The following SLC5A10 variants were observed in gnomAD, a reference collection of about 807,000 sequenced individuals.
SLC5A10 encodes sodium/mannose cotransporter SLC5A10.
Under a neutral mutation model 68.9 loss-of-function variants are expected in SLC5A10, and 55 were observed. The ratio of observed to expected loss-of-function variants is 0.80; its 90% confidence interval spans 0.64 to 1.00. The LOEUF (loss-of-function observed/expected upper bound fraction) is 1.00. Ranked by LOEUF, SLC5A10 falls within the 50% of genes least tolerant of loss-of-function variation. SLC5A10 has a pLI of 0.00. For missense variants in SLC5A10, 732 were observed against 819.3 expected (o/e 0.89, Z 1.30); for synonymous variants, 344 against 344.8 (o/e 1.00, Z 0.02).
At chr17:19,016,251 G>A (rs1415198932) in intron 11 of SLC5A10, among the ~76,000 whole-genome samples, 1 of 152,016 alleles carries the variant, frequency 6.6e-6, no homozygotes, top group East Asian at 1.9e-4. Flanking sequence ...TCACCATGTT[G>A]GCCAGGCTGG....
Position 19,003,748 on chromosome 17 carries a change from G to A in SLC5A10, c.983-9662G>A. On this transcript the variant is annotated intron_variant, in intron 9 of 14. Transcript: ENST00000395645. This position sits in a 1 kb window ranked among gnomAD's most constrained non-coding sequence, Gnocchi z 4.5. The stretch of plus-strand genomic sequence containing the variant: ...CCCCATCCGCCCCGCTGGCTTCCTC[G>A]CCGTCGCCGACCCCATTGTCCTCGG... The A allele has an allele frequency of 6.2e-7, 1 of 1,605,196 alleles. No individual in the cohort carries two copies. Among genetic ancestry groups the A allele is most frequent in the Non-Finnish European group, 8.5e-7 (1 of 1,175,908 alleles).
At chr17:18,977,107 T>A in intron 9 of SLC5A10, 118 bp downstream of exon 9, 1 of 1,383,948 alleles carries the variant, frequency 7.2e-7, no homozygotes, top group South Asian at 1.3e-5. Context: ...TTCCCCAACC[T>A]GGGGAGTGGG....
At position 19,020,393 on chromosome 17, in the gene SLC5A10, A is replaced by G; in HGVS notation, c.1753A>G (p.Met585Val). 1 of 1,613,958 alleles carries G rather than the reference A, an allele frequency of 6.2e-7. No individual in the cohort carries two copies. The highest frequency in any genetic ancestry group is 8.5e-7 in the Non-Finnish European group (1 of 1,180,012). ...CTGTGGCTTCAATGCCATCCTCCTC[A>G]TGTGTGTCAACATATTCTTTTATGC... ...RVCGFNAILL[M>V]CVNIFFYAYF... Residue 585 changes from methionine (M) to valine (V), a missense_variant, in exon 15 of 15, where the codon ATG (methionine) becomes GTG (valine). Met to Val is a conservative substitution (Grantham distance 21, BLOSUM62 1). Transcript: ENST00000395645.
chr17:19,008,185 A>C (rs1480564639), intron 9 of SLC5A10, among the ~76,000 whole-genome samples: 1 of 152,070 alleles, frequency 6.6e-6, no homozygotes, highest in Non-Finnish European at 1.5e-5. Context: ...GCTCATAGGG[A>C]ATTGCATTTT....
intron 3 of SLC5A10, 137 bp from the exon 4 acceptor site, chr17:18,959,467 C>T (rs2042569896): frequency 1.9e-6 from 2 of 1,026,508 alleles, no homozygotes; most frequent in Admixed American, 3.9e-5. Flanking sequence ...AGGAGCCACC[C>T]AGGATCTCAT....
intron 9 of SLC5A10, among the ~76,000 whole-genome samples, chr17:18,991,863 G>A (rs995121069): frequency 6.6e-6 from 1 of 152,228 alleles, no homozygotes; most frequent in Non-Finnish European, 1.5e-5. Flanking sequence ...CGAAGATGCA[G>A]CTGCAGAACC....
intron 9 of SLC5A10, among the ~76,000 whole-genome samples, chr17:18,993,466 G>C (rs2043482887): frequency 6.6e-6 from 1 of 152,178 alleles, no homozygotes; most frequent in Admixed American, 6.5e-5. Flanking sequence ...CACGTGACAA[G>C]CCTTACACTC....
intron 9 of SLC5A10, among the ~76,000 whole-genome samples, chr17:18,994,558 G>T (rs961143220): frequency 3.9e-5 from 6 of 152,248 alleles, no homozygotes; most frequent in African/African-American, 1.4e-4. Flanking sequence ...CTGGAAAGGG[G>T]AGGCTGAGCA....
chr17:18,993,960 G>A (rs1446996430), intron 9 of SLC5A10, among the ~76,000 whole-genome samples: 1 of 152,110 alleles, frequency 6.6e-6, no homozygotes, highest in East Asian at 1.9e-4. Context: ...GACCCTCCTC[G>A]TCCTCCCACC....
chr17:19,016,538 G>A (rs1011436390), intron 11 of SLC5A10, among the ~76,000 whole-genome samples: 2 of 152,174 alleles, frequency 1.3e-5, no homozygotes, highest in Admixed American at 6.5e-5. Context: ...CATCCTGGGG[G>A]TGGGGTCTCC....
intron 9 of SLC5A10, among the ~76,000 whole-genome samples, chr17:18,983,188 C>T (rs1283656780): frequency 1.3e-5 from 2 of 152,240 alleles, no homozygotes; most frequent in African/African-American, 4.8e-5. Flanking sequence ...TGGGCCGGGA[C>T]TGAGGACAGG....
intron 5 of SLC5A10, among the ~76,000 whole-genome samples, chr17:18,965,629 C>T (rs1232998201): frequency 6.6e-6 from 1 of 152,174 alleles, no homozygotes; most frequent in Non-Finnish European, 1.5e-5. Context: ...CTGTGCAGAG[C>T]CCGCCAGATC....
At chr17:19,011,808 G>A (rs56236420) in intron 9 of SLC5A10, among the ~76,000 whole-genome samples, 9,568 of 151,340 alleles carry the variant, frequency 0.063, 994 homozygotes, top group African/African-American at 0.22. Context: ...AGGGTAGGGG[G>A]GACTGCCAGG....
chr17:18,978,541 C>T (rs761010779), intron 9 of SLC5A10: 2 of 1,613,314 alleles, frequency 1.2e-6, no homozygotes, highest in Non-Finnish European at 1.7e-6. Flanking sequence ...GGCCTTTCAG[C>T]CCCAGGGGCT....
At chr17:18,955,729 A>T (rs1010068695) in intron 1 of SLC5A10, among the ~76,000 whole-genome samples, 2 of 152,176 alleles carry the variant, frequency 1.3e-5, no homozygotes, top group African/African-American at 2.4e-5. Flanking sequence ...ACACAAAGAG[A>T]AAGTGGTGGG....
Position 19,004,930 on chromosome 17 carries a change from G to A in SLC5A10, c.983-8480G>A, listed in dbSNP as rs1739735014. On this transcript the variant is annotated intron_variant, in intron 9 of 14. Coordinates refer to ENST00000395645, the MANE Select transcript of SLC5A10 (RefSeq NM_001042450.4). The surrounding 1 kb of genome is among the most constrained non-coding windows in gnomAD (Gnocchi z 5.4). The stretch of plus-strand genomic sequence containing the variant: ...CACGGTCCCCTGGTGCCCGAATTCC[G>A]AAAATATCAGAGGCCTAAGCCCAAG... The A allele has an allele frequency of 6.6e-6, 1 of 152,218 alleles. No individual in the cohort carries two copies. Among genetic ancestry groups the A allele is most frequent in the Admixed American group, 6.5e-5 (1 of 15,278 alleles). 9.4% of individuals were successfully genotyped at this position (152,218 alleles called of 1,614,324 possible).
chr17:18,965,058 C>T (rs1233163222), intron 5 of SLC5A10, among the ~76,000 whole-genome samples: 4 of 149,052 alleles, frequency 2.7e-5, no homozygotes, highest in South Asian at 2.1e-4. Context: ...GCAGGAAAAT[C>T]GCTTGAACCC....
At chr17:18,979,418 T>A in intron 9 of SLC5A10, 1 of 1,119,724 alleles carries the variant, frequency 8.9e-7, no homozygotes, top group Non-Finnish European at 1.3e-6. Context: ...GCAGATGTGC[T>A]CCAGCCCTGC....
Position 19,003,562 on chromosome 17 carries a change from G to A in SLC5A10, c.983-9848G>A, listed in dbSNP as rs754352331. 4 of 1,569,350 alleles carry A rather than the reference G, an allele frequency of 2.5e-6. No individual in the cohort carries two copies. In the East Asian group the frequency reaches 9.0e-5, roughly 35 times the overall value. ...TCATCTTCCGCACCACCTCTTTGATGTGGGCCTGCCCGTCTATGGGGGGCT... is the reference window on the plus strand; with the variant it reads ...TCATCTTCCGCACCACCTCTTTGATATGGGCCTGCCCGTCTATGGGGGGCT... On this transcript the variant is annotated intron_variant, in intron 9 of 14. Transcript: ENST00000395645. This position sits in a 1 kb window ranked among gnomAD's most constrained non-coding sequence, Gnocchi z 4.5.
Sources: gnomAD v4.1 joint callset for allele counts (sites outside exome capture counted in the v4.1 genomes callset) on GRCh38, gnomAD v4.1.1 for gene constraint, Gnocchi (gnomAD v3.1) non-coding constraint, MANE v1.5 for transcripts, NCBI Gene and HGNC (gene_info 2026-07-23, HGNC 2026-07-21) for gene names.